The following ROBO1 variants were observed in gnomAD, a reference collection of about 807,000 sequenced individuals.
The protein encoded by ROBO1 is roundabout guidance receptor 1.
In ROBO1, 149 loss-of-function variants were observed where a neutral mutation model predicts 195.9. The observed-to-expected ratio is 0.76, with a 90% CI of 0.67 to 0.87. The LOEUF (loss-of-function observed/expected upper bound fraction) is 0.87. Ranked by LOEUF, ROBO1 falls within the 40% of genes least tolerant of loss-of-function variation. The pLI, the probability that ROBO1 is intolerant of heterozygous loss-of-function variation, is 0.00. For missense variants in ROBO1, 1,933 were observed against 2,068.3 expected (o/e 0.93, Z 1.27); for synonymous variants, 816 against 733.2 (o/e 1.11, Z -1.82).
chr3:79,639,340 G>A (rs1945589376), intron 1 of ROBO1, among the ~76,000 whole-genome samples: 1 of 151,972 alleles, frequency 6.6e-6, no homozygotes, highest in South Asian at 2.1e-4. Flanking sequence ...TTTTCCTAAA[G>A]CAGCAAACAC....
At chr3:79,482,246 T>A (rs187157238) in intron 2 of ROBO1, among the ~76,000 whole-genome samples, 4 of 152,304 alleles carry the variant, frequency 2.6e-5, no homozygotes, top group Non-Finnish European at 1.5e-5. Flanking sequence ...CATTCCCTGT[T>A]ACAAGAAACT....
chr3:79,572,963 G>C (rs1202569925), intron 2 of ROBO1, among the ~76,000 whole-genome samples: 1 of 152,134 alleles, frequency 6.6e-6, no homozygotes, highest in Non-Finnish European at 1.5e-5. Context: ...GATTAGCATA[G>C]TGTGGGAAAC....
At position 79,502,460 on chromosome 3, in the gene ROBO1, G is replaced by A. The variant is rs538035780; in HGVS notation, c.88+87364C>T. Among the ~76,000 whole-genome samples, 26 of 152,192 alleles carry A rather than the reference G, an allele frequency of 1.7e-4. No individual in the cohort carries two copies. In the South Asian group the frequency reaches 5.0e-3, roughly 29 times the overall value. On this transcript the variant is annotated intron_variant, in intron 2 of 30. Transcript: ENST00000464233. The stretch of plus-strand genomic sequence containing the variant: ...GCTGCCTCCCCGCGGGGCAGGGCTC[G>A]GGACCTGTAGCCCGCCATGCCTGAG...
chr3:79,204,891 T>TTTTTG (rs1157580701), intron 2 of ROBO1, among the ~76,000 whole-genome samples: 2 of 148,092 alleles, frequency 1.4e-5, no homozygotes, highest in Non-Finnish European at 2.9e-5. Context: ...GTTACGTCTT[T>TTTTTG]TTTTGTTTTT....
chr3:79,270,009 A>ATTT (rs2030375139), intron 2 of ROBO1, among the ~76,000 whole-genome samples: 1 of 151,850 alleles, frequency 6.6e-6, no homozygotes. Flanking sequence ...GTTGTTGAAG[A>ATTT]AACAAATTAA....
intron 2 of ROBO1, among the ~76,000 whole-genome samples, chr3:79,164,377 C>T (rs2081026326): frequency 6.6e-6 from 1 of 152,098 alleles, no homozygotes; most frequent in Non-Finnish European, 1.5e-5. Context: ...ACTTTTACAG[C>T]AGAGATTCAT....
At chr3:79,743,632 T>A (rs1290175107) in intron 1 of ROBO1, among the ~76,000 whole-genome samples, 1 of 152,250 alleles carries the variant, frequency 6.6e-6, no homozygotes, top group Non-Finnish European at 1.5e-5. Context: ...ATTTTACTCT[T>A]TTGTAACAAC....
intron 2 of ROBO1, among the ~76,000 whole-genome samples, chr3:79,440,215 A>G (rs2039008837): frequency 6.6e-6 from 1 of 152,028 alleles, no homozygotes; most frequent in South Asian, 2.1e-4. Flanking sequence ...AAAGTACAAT[A>G]AACTTTTAGT....
chr3:79,244,783 T>C (rs970131522), intron 2 of ROBO1, among the ~76,000 whole-genome samples: 1 of 152,100 alleles, frequency 6.6e-6, no homozygotes, highest in Non-Finnish European at 1.5e-5. Context: ...ATATTACATA[T>C]CCATAAATAG....
chr3:79,062,807 G>A (rs568048024), intron 3 of ROBO1, among the ~76,000 whole-genome samples: 1 of 152,110 alleles, frequency 6.6e-6, no homozygotes, highest in East Asian at 1.9e-4. Context: ...ACAAGGCAGG[G>A]AACATCACAC....
At chr3:79,405,041 T>G (rs566550917) in intron 2 of ROBO1, among the ~76,000 whole-genome samples, 7 of 152,136 alleles carry the variant, frequency 4.6e-5, no homozygotes, top group African/African-American at 1.4e-4. Flanking sequence ...ATTGAAATTA[T>G]GTTTTTAAAA....
intron 2 of ROBO1, among the ~76,000 whole-genome samples, chr3:79,393,866 C>A (rs2037042674): frequency 6.6e-6 from 1 of 151,974 alleles, no homozygotes; most frequent in East Asian, 1.9e-4. Context: ...GGCAGGGAAC[C>A]CGAACATCTG....
chr3:79,117,123 T>C (rs1369076365), intron 3 of ROBO1, among the ~76,000 whole-genome samples: 1 of 151,952 alleles, frequency 6.6e-6, no homozygotes. Context: ...TCCCAGCATT[T>C]TGGGGGGCCA....
chr3:79,256,772 T>C (rs2082842131), intron 2 of ROBO1, among the ~76,000 whole-genome samples: 1 of 152,128 alleles, frequency 6.6e-6, no homozygotes, highest in Admixed American at 6.6e-5. Flanking sequence ...AGAGATATCT[T>C]AACTTTTAAA....
intron 2 of ROBO1, among the ~76,000 whole-genome samples, chr3:79,229,002 A>G (rs2108846292): frequency 6.6e-6 from 1 of 152,276 alleles, no homozygotes; most frequent in African/African-American, 2.4e-5. Flanking sequence ...TTAGTATTCC[A>G]TAAAATGTTT....
At chr3:78,664,968 C>T (rs7619742) in intron 14 of ROBO1, among the ~76,000 whole-genome samples, 65,645 of 151,942 alleles carry the variant, frequency 0.43, 14,888 homozygotes, top group Middle Eastern at 0.56. Context: ...TCTGTTGCCT[C>T]GAGCTAGAAT....
intron 1 of ROBO1, among the ~76,000 whole-genome samples, chr3:79,673,593 G>A (rs550643880): frequency 9.5e-4 from 144 of 152,018 alleles, no homozygotes; most frequent in African/African-American, 3.4e-3. Flanking sequence ...GAGAGGTTGA[G>A]CATTGAGAAA....
chr3:79,700,330 T>TGTGTGTGC (rs1947585224), intron 1 of ROBO1, among the ~76,000 whole-genome samples: 1 of 148,292 alleles, frequency 6.7e-6, no homozygotes, highest in East Asian at 2.0e-4. Flanking sequence ...TGTGTGTGTG[T>TGTGTGTGC]GTGTGTGTGT....
chr3:78,693,424 A>G (rs1426383669), intron 8 of ROBO1: 2 of 1,159,414 alleles, frequency 1.7e-6, no homozygotes, highest in Non-Finnish European at 2.5e-6. Context: ...GAAACAGAAA[A>G]GTAATAAGAT....
Sources: allele counts gnomAD v4.1 joint callset (sites outside exome capture counted in the v4.1 genomes callset), GRCh38; gene constraint gnomAD v4.1.1; transcripts MANE v1.5; gene names NCBI Gene and HGNC (gene_info 2026-07-23, HGNC 2026-07-21).